Variants in GABRB1 observed in about 807,000 individuals in gnomAD.
GABRB1 encodes the protein gamma-aminobutyric acid type A receptor subunit beta1, also known as gamma-aminobutyric acid receptor subunit beta-1.
Under a neutral mutation model 51.6 loss-of-function variants are expected in GABRB1, and 17 were observed. That is an observed-to-expected ratio of 0.33 (90% CI 0.23 to 0.49). The LOEUF is 0.49. Ranked by LOEUF, GABRB1 falls within the 20% of genes least tolerant of loss-of-function variation. The pLI is 0.99. For missense variants in GABRB1, 410 were observed against 600.6 expected, an observed-to-expected ratio of 0.68 and a Z score of 3.32; for synonymous variants, 247 against 218.9, an observed-to-expected ratio of 1.13 and a Z score of -1.14.
chr4:47,337,083 G>A (rs531123640), intron 5 of GABRB1, among the ~76,000 whole-genome samples: 52 of 152,286 alleles, frequency 3.4e-4, no homozygotes, highest in Admixed American at 1.3e-3. Context: ...GACAACAGCA[G>A]TAAGATGACA....
chr4:47,293,556 A>G (rs1012634570), intron 4 of GABRB1, among the ~76,000 whole-genome samples: 3 of 152,248 alleles, frequency 2.0e-5, no homozygotes, highest in African/African-American at 4.8e-5. Flanking sequence ...AGATATCTAT[A>G]GATATAGATA....
chr4:47,161,315 C>T lies in GABRB1; in HGVS notation c.307C>T (p.Pro103Ser), dbSNP rs775749394. Reference protein sequence around the residue: ...KDKRLSYSGIPLNLTLDNRVA... With the variant: ...KDKRLSYSGISLNLTLDNRVA... Reference sequence around the variant, plus strand: ...CAAAAGGCTTTCTTATTCTGGAATCCCACTGAACCTCACCCTAGACAATAG... The same window carrying T: ...CAAAAGGCTTTCTTATTCTGGAATCTCACTGAACCTCACCCTAGACAATAG... The change falls in exon 4 of 9, where the codon CCA becomes TCA. Residue 103 changes from proline (P) to serine (S), a missense_variant. Coordinates refer to ENST00000295454, the MANE Select transcript of GABRB1 (RefSeq NM_000812.4). 6.2e-7 allele frequency: 1 copy of T among 1,612,442 alleles called. No homozygotes were observed. Among genetic ancestry groups the T allele is most frequent in the Non-Finnish European group, 8.5e-7 (1 of 1,179,220 alleles).
intron 3 of GABRB1, among the ~76,000 whole-genome samples, chr4:47,055,676 T>C (rs758120647): frequency 6.6e-6 from 1 of 152,120 alleles, no homozygotes; most frequent in Non-Finnish European, 1.5e-5. Context: ...TGCCATGAGT[T>C]AGGAAAATTC....
At chr4:47,049,892 C>T (rs1307944598) in intron 3 of GABRB1, among the ~76,000 whole-genome samples, 1 of 152,158 alleles carries the variant, frequency 6.6e-6, no homozygotes, top group African/African-American at 2.4e-5. Flanking sequence ...TGAGAGATCA[C>T]TAAATTCTGC....
chr4:47,307,529 C>T (rs1036325315), intron 4 of GABRB1, among the ~76,000 whole-genome samples: 2 of 151,914 alleles, frequency 1.3e-5, no homozygotes, highest in East Asian at 1.9e-4. Flanking sequence ...GCAACACAGG[C>T]CTTATTTTAA....
chr4:47,039,265 T>A (rs1421979135), intron 3 of GABRB1, among the ~76,000 whole-genome samples: 2 of 149,506 alleles, frequency 1.3e-5, no homozygotes, highest in African/African-American at 4.9e-5. Flanking sequence ...GTCTCTCACA[T>A]CCCCGATAAA....
intron 1 of GABRB1, among the ~76,000 whole-genome samples, chr4:47,003,986 T>G (rs1031791612): frequency 1.3e-5 from 2 of 152,148 alleles, no homozygotes; most frequent in Non-Finnish European, 2.9e-5. Context: ...CTTTTGTTTT[T>G]TTTGTTTGTT....
chr4:47,173,930 G>A (rs1718547839), intron 4 of GABRB1, among the ~76,000 whole-genome samples: 1 of 152,086 alleles, frequency 6.6e-6, no homozygotes, highest in African/African-American at 2.4e-5. Flanking sequence ...CTCAAACATA[G>A]TCTCTGATTT....
At chr4:47,275,073 A>T (rs1723027523) in intron 4 of GABRB1, among the ~76,000 whole-genome samples, 1 of 152,194 alleles carries the variant, frequency 6.6e-6, no homozygotes, top group Non-Finnish European at 1.5e-5. Context: ...CTTCCAATTA[A>T]GCCAATGGGT....
At chr4:47,408,913 G>A (rs894387799) in intron 8 of GABRB1, among the ~76,000 whole-genome samples, 2 of 152,186 alleles carry the variant, frequency 1.3e-5, no homozygotes, top group African/African-American at 4.8e-5. Flanking sequence ...CAGAAGACAT[G>A]AACTGGATGG....
intron 1 of GABRB1, among the ~76,000 whole-genome samples, chr4:47,008,668 G>C: frequency 7.5e-6 from 1 of 133,654 alleles, no homozygotes. Flanking sequence ...TAGTAGAGAC[G>C]AGGTTTCACC....
At chr4:46,997,247 A>C (rs2109423620) in intron 1 of GABRB1, among the ~76,000 whole-genome samples, 1 of 152,204 alleles carries the variant, frequency 6.6e-6, no homozygotes, top group South Asian at 2.1e-4. Flanking sequence ...ATATATAGCA[A>C]AATGACTTTT....
intron 4 of GABRB1, among the ~76,000 whole-genome samples, chr4:47,199,769 G>C (rs1321192385): frequency 6.6e-6 from 1 of 152,088 alleles, no homozygotes; most frequent in African/African-American, 2.4e-5. Context: ...TCAGCTGAGA[G>C]TTAAAATTGG....
intron 8 of GABRB1, among the ~76,000 whole-genome samples, chr4:47,423,157 A>G (rs1047056330): frequency 2.0e-5 from 3 of 152,200 alleles, no homozygotes; most frequent in African/African-American, 4.8e-5. Context: ...CTGGCTATGC[A>G]AAAGTCAGAT....
intron 5 of GABRB1, among the ~76,000 whole-genome samples, chr4:47,360,985 A>G (rs1198702580): frequency 1.3e-5 from 2 of 152,126 alleles, no homozygotes; most frequent in Non-Finnish European, 1.5e-5. Context: ...TAATATTTCC[A>G]TTACATAAAT....
chr4:47,320,281 A>G (rs1176589421), intron 5 of GABRB1, 72 bp downstream of exon 5: 1 of 962,076 alleles, frequency 1.0e-6, no homozygotes, highest in African/African-American at 1.6e-5. Context: ...CTTCTCACTG[A>G]GTTAATTAGC....
At chr4:47,087,786 T>C (rs979972004) in intron 3 of GABRB1, among the ~76,000 whole-genome samples, 2 of 152,204 alleles carry the variant, frequency 1.3e-5, no homozygotes, top group Non-Finnish European at 2.9e-5. Context: ...AAGACTTGTT[T>C]TCCTTATCTG....
intron 4 of GABRB1, among the ~76,000 whole-genome samples, chr4:47,186,440 A>T (rs576374125): frequency 6.6e-6 from 1 of 151,930 alleles, no homozygotes; most frequent in Non-Finnish European, 1.5e-5. Context: ...TATGGAAGAA[A>T]TTTGTCTGAA....
chr4:47,048,797 C>T (rs1440363874), intron 3 of GABRB1, among the ~76,000 whole-genome samples: 1 of 152,156 alleles, frequency 6.6e-6, no homozygotes, highest in Non-Finnish European at 1.5e-5. Flanking sequence ...AGTCAGACTT[C>T]TAACCCCCTT....
Sources: gnomAD v4.1 joint callset for allele counts (sites outside exome capture counted in the v4.1 genomes callset) on GRCh38, gnomAD v4.1.1 for gene constraint, MANE v1.5 for transcripts, NCBI Gene and HGNC (gene_info 2026-07-23, HGNC 2026-07-21) for gene names.